The following ELAPOR2 variants were observed in gnomAD, a reference collection of about 807,000 sequenced individuals.
ELAPOR2 encodes the protein endosome/lysosome-associated apoptosis and autophagy regulator family member 2.
Under a neutral mutation model 120.7 loss-of-function variants are expected in ELAPOR2, and 89 were observed. That is an observed-to-expected ratio of 0.74 (90% CI 0.62 to 0.88). The LOEUF is 0.88. Among genes scored for constraint, ELAPOR2 ranks in the 40% least tolerant of loss-of-function variants. The pLI is 0.00. For synonymous variants in ELAPOR2, 444 were observed against 444.9 expected (o/e 1.00, Z 0.03); for missense variants, 1,134 against 1,251.6 (o/e 0.91, Z 1.42).
chr7:86,981,929 A>G (rs916942805), intron 1 of ELAPOR2, among the ~76,000 whole-genome samples: 6 of 152,244 alleles, frequency 3.9e-5, no homozygotes, highest in Admixed American at 3.9e-4. Context: ...GACAGACTGT[A>G]TCTGGAAAAT....
chr7:86,914,775 T>C lies in ELAPOR2; in HGVS notation c.1679A>G (p.Asn560Ser), dbSNP rs1013153664. The C allele has an allele frequency of 1.9e-6, 3 of 1,612,864 alleles. No homozygotes were observed. The highest frequency in any genetic ancestry group is 2.5e-6 in the Non-Finnish European group (3 of 1,179,304). ...TGCCCATGTAAATGTAAAAGTTGCA[T>C]TCTTGAAGATGATATGGGTGTAAGC... ...KQAYTHIIFK[N>S]ATFTFTWAFQ... Residue 560 changes from asparagine to serine, a missense_variant, in exon 13 of 22, where the codon AAT (asparagine) becomes AGT (serine). Physicochemically the swap from Asn to Ser is conservative, Grantham distance 46. Around this residue, in one of 3 missense-constraint regions of ELAPOR2, gnomAD observed 831 missense variants for 867.6 expected, o/e 0.96. Transcript: ENST00000450689.
At chr7:87,027,135 T>C (rs905601551) in intron 1 of ELAPOR2, among the ~76,000 whole-genome samples, 3 of 152,122 alleles carry the variant, frequency 2.0e-5, no homozygotes. Context: ...GGTACATATA[T>C]TTAATGTAAG....
intron 1 of ELAPOR2, among the ~76,000 whole-genome samples, chr7:87,015,243 A>G (rs1357232283): frequency 1.3e-5 from 2 of 152,174 alleles, no homozygotes; most frequent in African/African-American, 4.8e-5. Flanking sequence ...AATATTCTCT[A>G]TCAAAATATA....
Position 86,912,261 on chromosome 7 carries a change from A to C in ELAPOR2, c.1996-16T>G. ...CCGAATGGTCCTTTGATTAAAGATA[A>C]AGAAACAATATAGCAGGAAAGAAAA... is the stretch of plus-strand genomic sequence containing the variant. On this transcript the variant is annotated splice_polypyrimidine_tract_variant and intron_variant, in intron 14 of 21. Coordinates refer to ENST00000450689, the MANE Select transcript of ELAPOR2 (RefSeq NM_001142749.3). The C allele has an allele frequency of 1.9e-6, 3 of 1,551,558 alleles. No homozygotes were observed. The highest frequency in any genetic ancestry group is 2.6e-6 in the Non-Finnish European group (3 of 1,132,908).
chr7:86,985,023 A>G (rs535455923), intron 1 of ELAPOR2, among the ~76,000 whole-genome samples: 13 of 152,316 alleles, frequency 8.5e-5, no homozygotes, highest in Admixed American at 5.2e-4. Context: ...ATCCCACAGA[A>G]ATACAAACTA....
intron 1 of ELAPOR2, among the ~76,000 whole-genome samples, chr7:86,970,180 T>A (rs549192374): frequency 6.6e-6 from 1 of 151,984 alleles, no homozygotes; most frequent in Non-Finnish European, 1.5e-5. Context: ...CAGTTAAGAG[T>A]TGACTGCAGT....
intron 18 of ELAPOR2, among the ~76,000 whole-genome samples, chr7:86,900,861 A>G (rs575230997): frequency 6.6e-6 from 1 of 152,310 alleles, no homozygotes; most frequent in Non-Finnish European, 1.5e-5. Flanking sequence ...AAAAACAAAA[A>G]ATACTTTCTC....
rs1789386728 is a variant in ELAPOR2, at chr7:86,913,004, G to A, written c.1932C>T (p.Ser644=). The change falls in exon 14 of 22, where the codon TCC becomes TCT. Residue 644 remains serine, a synonymous_variant. Transcript: ENST00000450689. ...CKECPPDTYL[S]IHQVYGKEAC... is the part of the protein sequence containing the mutation. ...CCTCTTTGCCATAGACCTGATGTAT[G>A]GACAGGTAGGTGTCAGGTGGACATT... The A allele has an allele frequency of 6.2e-7, 1 of 1,613,994 alleles. No individual in the cohort carries two copies. The highest frequency in any genetic ancestry group is 8.5e-7 in the Non-Finnish European group (1 of 1,179,928).
At chr7:87,047,450 G>A (rs1794986646) in intron 1 of ELAPOR2, among the ~76,000 whole-genome samples, 1 of 152,080 alleles carries the variant, frequency 6.6e-6, no homozygotes, top group African/African-American at 2.4e-5. Flanking sequence ...TTACTAACCA[G>A]AATATATAAG....
intron 13 of ELAPOR2, 128 bp downstream of exon 13, chr7:86,914,595 A>G: frequency 1.5e-6 from 1 of 677,488 alleles, no homozygotes; most frequent in Non-Finnish European, 2.3e-6. Flanking sequence ...CTATAACCAG[A>G]TTATTCATTC....
In ELAPOR2 at chr7:86,877,275, T is replaced by A. The variant is rs1271474159; in HGVS notation, c.*3196A>T. The A allele has an allele frequency of 6.6e-6, 1 of 152,198 alleles. No homozygotes were observed. The highest frequency in any genetic ancestry group is 1.5e-5 in the Non-Finnish European group (1 of 68,040). The allele number at this position is 152,198 out of a possible 1,614,324, so 9.4% of individuals were successfully genotyped here. On this transcript the variant is annotated 3_prime_UTR_variant, in exon 22 of 22. Transcript: ENST00000450689. ...GAGAATAATCTGTAGCCAGTTAGTA[T>A]GAAGATGAATTCCATTTTAGCTTCC...
intron 1 of ELAPOR2, among the ~76,000 whole-genome samples, chr7:86,988,279 G>C (rs192555773): frequency 4.6e-5 from 7 of 152,202 alleles, no homozygotes; most frequent in African/African-American, 1.7e-4. Context: ...CAGACCAGCT[G>C]TATATGTATA....
At chr7:87,015,820 T>C (rs1793848909) in intron 1 of ELAPOR2, among the ~76,000 whole-genome samples, 3 of 152,152 alleles carry the variant, frequency 2.0e-5, no homozygotes, top group South Asian at 4.1e-4. Flanking sequence ...GCAAAAAATA[T>C]ATATGTTTTT....
rs1236150552 is a variant in ELAPOR2 at position 86,880,432 on chromosome 7, T to C, written c.*39A>G. ...ATGGTCCTGTAAAACTAGAGCAGGT[T>C]TCTTTGTTCATTAGTCTCAAGGCTA... is the stretch of plus-strand genomic sequence containing the variant. On this transcript the variant is annotated 3_prime_UTR_variant, in exon 22 of 22. Transcript: ENST00000450689. 6.8e-7 allele frequency: 1 copy of C among 1,464,304 alleles called. No homozygotes were observed. The highest frequency in any genetic ancestry group is 9.6e-7 in the Non-Finnish European group (1 of 1,044,980). 90.7% of individuals were successfully genotyped at this position (1,464,304 alleles called of 1,614,324 possible).
intron 1 of ELAPOR2, among the ~76,000 whole-genome samples, chr7:87,017,302 G>A (rs541914041): frequency 6.6e-6 from 1 of 152,138 alleles, no homozygotes; most frequent in Non-Finnish European, 1.5e-5. Context: ...ATTATGAACT[G>A]TAATGGCAAG....
intron 1 of ELAPOR2, among the ~76,000 whole-genome samples, chr7:87,024,204 C>A (rs564886105): frequency 6.6e-6 from 1 of 152,072 alleles, no homozygotes; most frequent in African/African-American, 2.4e-5. Context: ...GTGAGTTTGT[C>A]GTAGATAGCT....
At chr7:86,965,459 G>A (rs965401988) in intron 1 of ELAPOR2, among the ~76,000 whole-genome samples, 4 of 152,126 alleles carry the variant, frequency 2.6e-5, no homozygotes, top group South Asian at 2.1e-4. Flanking sequence ...TTCTCACTCT[G>A]TTTAAAATTT....
chr7:86,982,867 G>A (rs919339639), intron 1 of ELAPOR2, among the ~76,000 whole-genome samples: 32 of 152,132 alleles, frequency 2.1e-4, no homozygotes, highest in African/African-American at 7.5e-4. Context: ...GGCTTCAGAA[G>A]GTCAGTAATA....
intron 1 of ELAPOR2, among the ~76,000 whole-genome samples, chr7:86,981,712 C>T (rs909514821): frequency 1.3e-5 from 2 of 152,206 alleles, no homozygotes; most frequent in Non-Finnish European, 2.9e-5. Flanking sequence ...CAAATAGGAA[C>T]AGCTCCAGTC....
Sources: allele counts gnomAD v4.1 joint callset (sites outside exome capture counted in the v4.1 genomes callset), GRCh38; gene constraint gnomAD v4.1.1; regional missense constraint gnomAD v4.1.1; transcripts MANE v1.5; gene names NCBI Gene and HGNC (gene_info 2026-07-23, HGNC 2026-07-21).